OR51V1: variants seen among roughly 807,000 people sequenced by gnomAD.
The protein encoded by OR51V1 is olfactory receptor family 51 subfamily V member 1, also known as olfactory receptor 51V1.
Under a neutral mutation model 16.3 loss-of-function variants are expected in OR51V1, and 16 were observed. That is an observed-to-expected ratio of 0.98 (90% CI 0.67 to 1.49). OR51V1 has a LOEUF of 1.49. Ranked by LOEUF, OR51V1 falls within the 40% of genes most tolerant of loss-of-function variation. The pLI is 0.00. For synonymous variants in OR51V1, 189 were observed against 142.2 expected (o/e 1.33, Z -2.34); for missense variants, 469 against 380.4 (o/e 1.23, Z -1.94).
In OR51V1 at chr11:5,199,952, C is replaced by A; in HGVS notation, c.731G>T (p.Cys244Phe). The change falls in exon 1 of 1, where the codon TGC (cysteine) becomes TTC (phenylalanine). Residue 244 changes from cysteine to phenylalanine, a missense_variant. Transcript: ENST00000641270. ...QEERHKLFQT[C>F]ISHICAVLVF... ...AAGGACAGCACAGATGTGGGAGATG[C>A]AGGTCTGAAATAATTTATGCCTCTC... 6.2e-7 allele frequency: 1 copy of A among 1,613,954 alleles called. No homozygotes were observed. Among genetic ancestry groups the A allele is most frequent in the Non-Finnish European group, 8.5e-7 (1 of 1,179,852 alleles).
rs866961237 is a variant in OR51V1, at chr11:5,199,868, G to C, written c.815C>G (p.Ser272Cys). Residue 272 changes from serine (S) to cysteine (C), a missense_variant, in exon 1 of 1, where the codon TCC becomes TGC. Ser to Cys is a moderately radical substitution (Grantham distance 112). Coordinates refer to ENST00000641270, the MANE Select transcript of OR51V1 (RefSeq NM_001004760.3). ...TMVHRFGKHL[S>C]PVAHVLIGNI... ...GCCAATGAGAACGTGGGCCACGGGGGAAAGGTGCTTGCCAAAACGGTGCAC... is the reference window on the plus strand; with the variant it reads ...GCCAATGAGAACGTGGGCCACGGGGCAAAGGTGCTTGCCAAAACGGTGCAC... 2.5e-6 allele frequency: 4 copies of C among 1,614,012 alleles called. No individual in the cohort carries two copies. In the Admixed American group the frequency reaches 5.0e-5, roughly 20 times the overall value.
chr11:5,200,150 G>C lies in OR51V1; in HGVS notation c.533C>G (p.Ser178Cys). 1 of 1,612,764 alleles carries C rather than the reference G, an allele frequency of 6.2e-7. No individual in the cohort carries two copies. Among genetic ancestry groups the C allele is most frequent in the Non-Finnish European group, 8.5e-7 (1 of 1,178,980 alleles). Residue 178 changes from serine to cysteine, a missense_variant, in exon 1 of 1, where the codon TCT becomes TGT. Transcript: ENST00000641270. The stretch of plus-strand genomic sequence containing the variant: ...ATCCTGGTGCAGGCAGAAAGAGTGA[G>C]AAAGGATGTGGAAATGACAGTAATT... ...FFNYCHFHIL[S>C]HSFCLHQDLL... is the part of the protein sequence containing the mutation.
rs1411195415 is a variant in OR51V1 at position 5,199,863 on chromosome 11, C to CG, written c.819dup (p.Val274ArgfsTer35). The CG allele has an allele frequency of 1.9e-6, 3 of 1,613,972 alleles. No individual in the cohort carries two copies. The highest frequency in any genetic ancestry group is 8.5e-7 in the Non-Finnish European group (1 of 1,179,994). On this transcript the variant is annotated frameshift_variant, in exon 1 of 1. Coordinates refer to ENST00000641270, the MANE Select transcript of OR51V1 (RefSeq NM_001004760.3). LOFTEE classifies it high-confidence loss of function. ...ATGTTGCCAATGAGAACGTGGGCCA[C>CG]GGGGGAAAGGTGCTTGCCAAAACGG...
chr11:5,200,208 T>C lies in OR51V1; in HGVS notation c.475A>G (p.Ile159Val). The change falls in exon 1 of 1, where the codon ATT becomes GTT. Residue 159 changes from isoleucine (I) to valine (V), a missense_variant. Physicochemically the swap from Ile to Val is conservative, Grantham distance 29 (BLOSUM62 3). Coordinates refer to ENST00000641270, the MANE Select transcript of OR51V1 (RefSeq NM_001004760.3). ...LTIIGRSFFF[I>V]TPPIICLKFF... The stretch of plus-strand genomic sequence containing the variant: ...TTCAGACAGATGATGGGGGGTGTAA[T>C]AAAGAAAAAACTCCTACCTATTATA... The C allele has an allele frequency of 6.2e-7, 1 of 1,613,290 alleles. No individual in the cohort carries two copies. The highest frequency in any genetic ancestry group is 8.5e-7 in the Non-Finnish European group (1 of 1,179,742).
rs987853856 is a variant in OR51V1 at position 5,200,328 on chromosome 11, G to A, written c.355C>T (p.Leu119Phe). ...ATGTACCGGTCAAAGGCCATAGTGAGGAGGACAGAGGACTCCATGAAGGAC... is the reference window on the plus strand; with the variant it reads ...ATGTACCGGTCAAAGGCCATAGTGAAGAGGACAGAGGACTCCATGAAGGAC... The part of the protein sequence containing the change: ...GLSFMESSVL[L>F]TMAFDRYIAI... Residue 119 changes from leucine (L) to phenylalanine (F), a missense_variant, in exon 1 of 1, where the codon CTC becomes TTC. Transcript: ENST00000641270. The A allele has an allele frequency of 1.2e-6, 2 of 1,613,860 alleles. No homozygotes were observed. Among genetic ancestry groups the A allele is most frequent in the Non-Finnish European group, 8.5e-7 (1 of 1,179,894 alleles).
Position 5,200,452 on chromosome 11 carries a change from C to T in OR51V1, c.231G>A (p.Gly77=), listed in dbSNP as rs573556079. ...CCAGCACTGTGTACACAGTGGACAG[C>T]CCCATGCACAGGTCAGTGAGGGCCA... The part of the protein sequence containing the change: ...SMLALTDLCM[G]LSTVYTVLGI... Residue 77 remains glycine, a synonymous_variant, in exon 1 of 1, where the codon GGG becomes GGA. Transcript: ENST00000641270. 19 of 1,613,878 alleles carry T rather than the reference C, an allele frequency of 1.2e-5. No homozygotes were observed. In the East Asian group the frequency reaches 4.2e-4, roughly 36 times the overall value.
In OR51V1 at chr11:5,200,049, A is replaced by G. The variant is rs780211744; in HGVS notation, c.634T>C (p.Leu212=). 4 of 1,610,806 alleles carry G rather than the reference A, an allele frequency of 2.5e-6. No individual in the cohort carries two copies. Among genetic ancestry groups the G allele is most frequent in the African/African-American group, 1.3e-5 (1 of 74,826 alleles). The change falls in exon 1 of 1, where the codon TTG becomes CTG. Residue 212 remains leucine (L), a synonymous_variant. Transcript: ENST00000641270. ...ALMLVICILL[L]DAILILFSYI... ...GAGAAAAGGATGAGTATAGCATCCAACAACAGTATGCAAATAACCAGCATC... is the reference window on the plus strand; with the variant it reads ...GAGAAAAGGATGAGTATAGCATCCAGCAACAGTATGCAAATAACCAGCATC...
At position 5,200,405 on chromosome 11, in the gene OR51V1, C is replaced by T. The variant is rs373521211; in HGVS notation, c.278G>A (p.Arg93Gln). ...TVLGILWGII[R>Q]EISLDSCIAQ... ...AATGCAGGAATCCAAGCTGATCTCT[C>T]GAATGATCCCCCACAGGATCCCCAG... Residue 93 changes from arginine to glutamine, a missense_variant, in exon 1 of 1, where the codon CGA becomes CAA. Transcript: ENST00000641270. 1.9e-5 allele frequency: 30 copies of T among 1,613,760 alleles called. No individual in the cohort carries two copies. Among genetic ancestry groups the T allele is most frequent in the Non-Finnish European group, 2.3e-5 (27 of 1,179,916 alleles).
rs1389155915 is a variant in OR51V1 at position 5,199,965 on chromosome 11, A to T, written c.718T>A (p.Leu240Ile). Residue 240 changes from leucine to isoleucine, a missense_variant, in exon 1 of 1, where the codon TTA (leucine) becomes ATA (isoleucine). Transcript: ENST00000641270. The stretch of plus-strand genomic sequence containing the variant: ...ATGTGGGAGATGCAGGTCTGAAATA[A>T]TTTATGCCTCTCTTCCTGAGAGGCA... Reference protein sequence around the residue: ...AVASQEERHKLFQTCISHICA... With the variant: ...AVASQEERHKIFQTCISHICA... The T allele has an allele frequency of 1.9e-6, 3 of 1,614,038 alleles. No homozygotes were observed. The highest frequency in any genetic ancestry group is 1.7e-6 in the Non-Finnish European group (2 of 1,180,006).
In OR51V1 at chr11:5,200,225, C is replaced by T; in HGVS notation, c.458G>A (p.Gly153Asp). ...GGGTGTAATAAAGAAAAAACTCCTACCTATTATAGTGAGCCCAATTTTGAT... is the reference window on the plus strand; with the variant it reads ...GGGTGTAATAAAGAAAAAACTCCTATCTATTATAGTGAGCCCAATTTTGAT... Reference protein sequence around the residue: ...RIIKIGLTIIGRSFFFITPPI... With the variant: ...RIIKIGLTIIDRSFFFITPPI... Residue 153 changes from glycine to aspartate, a missense_variant, in exon 1 of 1, where the codon GGT becomes GAT. Coordinates refer to ENST00000641270, the MANE Select transcript of OR51V1 (RefSeq NM_001004760.3). 1 of 1,613,760 alleles carries T rather than the reference C, an allele frequency of 6.2e-7. No homozygotes were observed. Among genetic ancestry groups the T allele is most frequent in the Non-Finnish European group, 8.5e-7 (1 of 1,179,876 alleles).
In OR51V1 at chr11:5,200,522, G is replaced by C; in HGVS notation, c.161C>G (p.Thr54Ser). ...CATAGGCTGGTGCAGGCTTGGCTCA[G>C]TCCATATCACATGGAGAACCATGCA... ...GNCMVLHVIW[T>S]EPSLHQPMFY... is the part of the protein sequence containing the mutation. Residue 54 changes from threonine (T) to serine (S), a missense_variant, in exon 1 of 1, where the codon ACT becomes AGT. Thr to Ser is a moderately conservative substitution (Grantham distance 58). Coordinates refer to ENST00000641270, the MANE Select transcript of OR51V1 (RefSeq NM_001004760.3). The C allele has an allele frequency of 1.2e-6, 2 of 1,613,914 alleles. No individual in the cohort carries two copies. Among genetic ancestry groups the C allele is most frequent in the Non-Finnish European group, 1.7e-6 (2 of 1,179,824 alleles).
rs199698949 is a variant in OR51V1 at position 5,200,113 on chromosome 11, T to G, written c.570A>C (p.Leu190Phe). Residue 190 changes from leucine to phenylalanine, a missense_variant, in exon 1 of 1, where the codon TTA becomes TTC. By Grantham distance (22) the Leu-to-Phe change is conservative. Transcript: ENST00000641270. ...SFCLHQDLLR[L>F]ACSDIRFNSY... ...TATTGAATCGGATGTCTGAACAGGC[T>G]AAGCGGAGAAGATCCTGGTGCAGGC... The G allele has an allele frequency of 3.1e-6, 5 of 1,613,898 alleles. No individual in the cohort carries two copies. Among genetic ancestry groups the G allele is most frequent in the Non-Finnish European group, 4.2e-6 (5 of 1,179,816 alleles).
rs1428439352 is a variant in OR51V1, at chr11:5,199,971, G to A, written c.712C>T (p.His238Tyr). 1 of 1,614,088 alleles carries A rather than the reference G, an allele frequency of 6.2e-7. No individual in the cohort carries two copies. Among genetic ancestry groups the A allele is most frequent in the South Asian group, 1.1e-5 (1 of 91,084 alleles). Reference protein sequence around the residue: ...VLAVASQEERHKLFQTCISHI... With the variant: ...VLAVASQEERYKLFQTCISHI... ...GAGATGCAGGTCTGAAATAATTTAT[G>A]CCTCTCTTCCTGAGAGGCAACTGCC... The change falls in exon 1 of 1, where the codon CAT (histidine) becomes TAT (tyrosine). Residue 238 changes from histidine (H) to tyrosine (Y), a missense_variant. Coordinates refer to ENST00000641270, the MANE Select transcript of OR51V1 (RefSeq NM_001004760.3).
At position 5,199,962 on chromosome 11, in the gene OR51V1, A is replaced by G. The variant is rs1366295324; in HGVS notation, c.721T>C (p.Phe241Leu). 2.5e-6 allele frequency: 4 copies of G among 1,613,988 alleles called. No homozygotes were observed. In the African/African-American group the frequency reaches 5.3e-5, roughly 22 times the overall value. The change falls in exon 1 of 1, where the codon TTT becomes CTT. Residue 241 changes from phenylalanine to leucine, a missense_variant. By Grantham distance (22) the Phe-to-Leu change is conservative (BLOSUM62 0). Transcript: ENST00000641270. ...VASQEERHKL[F>L]QTCISHICAV... ...CAGATGTGGGAGATGCAGGTCTGAA[A>G]TAATTTATGCCTCTCTTCCTGAGAG...
At position 5,200,343 on chromosome 11, in the gene OR51V1, C is replaced by T. The variant is rs754234762; in HGVS notation, c.340G>A (p.Glu114Lys). The change falls in exon 1 of 1, where the codon GAG (glutamate) becomes AAG (lysine). Residue 114 changes from glutamate (E) to lysine (K), a missense_variant. Coordinates refer to ENST00000641270, the MANE Select transcript of OR51V1 (RefSeq NM_001004760.3). ...GCCATAGTGAGGAGGACAGAGGACTCCATGAAGGACAGACCATGGATGAAA... is the reference window on the plus strand; with the variant it reads ...GCCATAGTGAGGAGGACAGAGGACTTCATGAAGGACAGACCATGGATGAAA... ...SYFIHGLSFM[E>K]SSVLLTMAFD... 39 of 1,613,990 alleles carry T rather than the reference C, an allele frequency of 2.4e-5. No homozygotes were observed. The South Asian group carries it at 3.1e-4, about 13-fold the overall frequency.
Position 5,200,663 on chromosome 11 carries a change from G to A in OR51V1, c.20C>T (p.Pro7Leu). The A allele has an allele frequency of 6.2e-7, 1 of 1,606,004 alleles. No individual in the cohort carries two copies. The highest frequency in any genetic ancestry group is 8.5e-7 in the Non-Finnish European group (1 of 1,175,538). The change falls in exon 1 of 1, where the codon CCT (proline) becomes CTT (leucine). Residue 7 changes from proline to leucine, a missense_variant. By Grantham distance (98) the Pro-to-Leu change is moderately conservative (BLOSUM62 -3). Transcript: ENST00000641270. MITSVS[P>L]STSTNSSFLL... ...AAAGGAAGAATTCGTGCTGGTGCTA[G>A]GGCTTACTGAAGTAATCATTCTGGA...
Position 5,200,196 on chromosome 11 carries a change from T to TG in OR51V1, c.486dup (p.Ile163HisfsTer8), listed in dbSNP as rs573294390. On this transcript the variant is annotated frameshift_variant, in exon 1 of 1. Transcript: ENST00000641270. LOFTEE classifies it high-confidence loss of function. ...TAATTAAAAAATTTCAGACAGATGA[T>TG]GGGGGGTGTAATAAAGAAAAAACTC... The TG allele has an allele frequency of 2.2e-5, 36 of 1,612,510 alleles. No individual in the cohort carries two copies. Among genetic ancestry groups the TG allele is most frequent in the Non-Finnish European group, 3.1e-5 (36 of 1,179,532 alleles).
rs1288602047 is a variant in OR51V1, at chr11:5,200,275, G to A, written c.408C>T (p.Ser136=). 5.6e-6 allele frequency: 9 copies of A among 1,613,696 alleles called. No individual in the cohort carries two copies. Among genetic ancestry groups the A allele is most frequent in the Non-Finnish European group, 7.6e-6 (9 of 1,179,686 alleles). ...TAATTCTGGAATTAGTCAGGATGGAGGAATAACGTAGTGGATTGCAAATTG... is the reference window on the plus strand; with the variant it reads ...TAATTCTGGAATTAGTCAGGATGGAAGAATAACGTAGTGGATTGCAAATTG... The part of the protein sequence containing the change: ...YIAICNPLRY[S]SILTNSRIIK... Residue 136 remains serine, a synonymous_variant, in exon 1 of 1, where the codon TCC becomes TCT. Coordinates refer to ENST00000641270, the MANE Select transcript of OR51V1 (RefSeq NM_001004760.3).
chr11:5,200,490 A>C lies in OR51V1; in HGVS notation c.193T>G (p.Phe65Val). ...EPSLHQPMFY[F>V]LSMLALTDLC... ...TCAGTGAGGGCCAGCATGGACAGGA[A>C]GTAAAACATAGGCTGGTGCAGGCTT... Residue 65 changes from phenylalanine to valine, a missense_variant, in exon 1 of 1, where the codon TTC becomes GTC. Physicochemically the swap from Phe to Val is conservative, Grantham distance 50. Coordinates refer to ENST00000641270, the MANE Select transcript of OR51V1 (RefSeq NM_001004760.3). The C allele has an allele frequency of 6.2e-7, 1 of 1,614,088 alleles. No homozygotes were observed. Among genetic ancestry groups the C allele is most frequent in the Non-Finnish European group, 8.5e-7 (1 of 1,179,990 alleles).
Sources: gnomAD v4.1 joint callset for allele counts on GRCh38, gnomAD v4.1.1 for gene constraint, MANE v1.5 for transcripts, NCBI Gene and HGNC (gene_info 2026-07-23, HGNC 2026-07-21) for gene names.